PROM1: variants seen among roughly 807,000 people sequenced by gnomAD.
The protein encoded by PROM1 is prominin-1.
Under a neutral mutation model 116.9 loss-of-function variants are expected in PROM1, and 105 were observed. The ratio of observed to expected loss-of-function variants is 0.90; its 90% confidence interval spans 0.77 to 1.06. PROM1 has a LOEUF of 1.06. Among genes scored for constraint, PROM1 ranks in the 50% least tolerant of loss-of-function variants. PROM1 has a pLI of 0.00. For missense variants in PROM1, 1,122 were observed against 1,045.2 expected (o/e 1.07, Z -1.01); for synonymous variants, 393 against 387.0 (o/e 1.02, Z -0.18).
chr4:16,068,604 C>T (rs758677929), intron 2 of PROM1, among the ~76,000 whole-genome samples: 8 of 152,200 alleles, frequency 5.3e-5, no homozygotes, highest in Non-Finnish European at 1.2e-4. Flanking sequence ...CTAGGCTCTG[C>T]TGGACTCACT....
intron 8 of PROM1, among the ~76,000 whole-genome samples, chr4:16,020,995 G>C (rs558663724): frequency 1.3e-5 from 2 of 150,732 alleles, no homozygotes; most frequent in South Asian, 4.2e-4. Flanking sequence ...TCCTTTATAG[G>C]TCCTGATCTG....
intron 5 of PROM1, among the ~76,000 whole-genome samples, chr4:16,027,095 G>A (rs910227630): frequency 3.3e-5 from 5 of 151,988 alleles, no homozygotes; most frequent in Non-Finnish European, 7.4e-5. Flanking sequence ...TTTAAGTTTG[G>A]GTTAATTCTG....
At chr4:15,990,394 G>T (rs1396047703) in intron 18 of PROM1, among the ~76,000 whole-genome samples, 2 of 152,196 alleles carry the variant, frequency 1.3e-5, no homozygotes, top group Non-Finnish European at 2.9e-5. Context: ...ACCAGCAGAG[G>T]AGTTGAAAGG....
At chr4:15,995,360 G>A (rs1722067695) in intron 15 of PROM1, among the ~76,000 whole-genome samples, 1 of 151,574 alleles carries the variant, frequency 6.6e-6, no homozygotes, top group African/African-American at 2.4e-5. Context: ...GAAGGAGGAG[G>A]AGGAGGAAAA....
chr4:15,972,305 G>T (rs1714768844), intron 26 of PROM1, among the ~76,000 whole-genome samples: 1 of 152,078 alleles, frequency 6.6e-6, no homozygotes, highest in Non-Finnish European at 1.5e-5. Flanking sequence ...AACTTACAAA[G>T]AAAAAAATAT....
In PROM1 at chr4:15,980,505, A is replaced by G. The variant is rs1304079782; in HGVS notation, c.2406T>C (p.Thr802=). 6.4e-7 allele frequency: 1 copy of G among 1,553,520 alleles called. No homozygotes were observed. Reference sequence around the variant, plus strand: ...AAATTAGAGCCGGAAGTAAAAATACAGTAGCTTTTCCTATGCCAAACCAAA... The same window carrying G: ...AAATTAGAGCCGGAAGTAAAAATACGGTAGCTTTTCCTATGCCAAACCAAA... ...NLFWFGIGKA[T]VFLLPALIFA... is the part of the protein sequence containing the mutation. The change falls in exon 24 of 28, where the codon ACT becomes ACC. Residue 802 remains threonine, a synonymous_variant. Coordinates refer to ENST00000447510, the MANE Select transcript of PROM1 (RefSeq NM_006017.3).
At chr4:15,990,618 A>G (rs1445115985) in intron 18 of PROM1, among the ~76,000 whole-genome samples, 1 of 152,196 alleles carries the variant, frequency 6.6e-6, no homozygotes. Context: ...GGGTGCCCGC[A>G]CTCAGAGCAG....
At chr4:16,051,375 G>A (rs376797831) in intron 2 of PROM1, among the ~76,000 whole-genome samples, 131 of 152,266 alleles carry the variant, frequency 8.6e-4, no homozygotes, top group African/African-American at 2.9e-3. Context: ...CTGTGCCTTC[G>A]TTTCCTCTTC....
intron 26 of PROM1, among the ~76,000 whole-genome samples, chr4:15,977,373 T>G (rs2149015582): frequency 6.6e-6 from 1 of 152,266 alleles, no homozygotes; most frequent in Admixed American, 6.5e-5. Flanking sequence ...TCCTCTGATC[T>G]TGAAAATTTC....
intron 15 of PROM1, among the ~76,000 whole-genome samples, chr4:15,997,533 C>T (rs1722647526): frequency 6.6e-6 from 1 of 152,008 alleles, no homozygotes; most frequent in African/African-American, 2.4e-5. Flanking sequence ...GATCTTGGCT[C>T]ACTGCAACCT....
chr4:15,981,463 T>C (rs1717926243), intron 23 of PROM1, among the ~76,000 whole-genome samples: 1 of 151,430 alleles, frequency 6.6e-6, no homozygotes, highest in South Asian at 2.1e-4. Context: ...TCCCAGCTAC[T>C]CGGGAGGCTG....
chr4:16,034,795 T>C (rs1182193682), intron 4 of PROM1, among the ~76,000 whole-genome samples: 1 of 152,230 alleles, frequency 6.6e-6, no homozygotes, highest in East Asian at 1.9e-4. Flanking sequence ...GCAAATGTGA[T>C]GTCTTGGAGG....
intron 20 of PROM1, among the ~76,000 whole-genome samples, chr4:15,986,599 G>A (rs1719476719): frequency 6.6e-6 from 1 of 152,106 alleles, no homozygotes; most frequent in Non-Finnish European, 1.5e-5. Context: ...CCCCTTGGCT[G>A]GGCCCCTCAT....
chr4:15,987,714 G>A lies in PROM1; in HGVS notation c.2079C>T (p.Ser693=). The change falls in exon 20 of 28, where the codon AGC becomes AGT. Residue 693 remains serine (S), a splice_region_variant and synonymous_variant. Coordinates refer to ENST00000447510, the MANE Select transcript of PROM1 (RefSeq NM_006017.3). ...GTATCTTGACGCTTTGGTATAGAGTGCTCTGGCAAGAAACAGATAATATTT... is the reference window on the plus strand; with the variant it reads ...GTATCTTGACGCTTTGGTATAGAGTACTCTGGCAAGAAACAGATAATATTT... ...QRVLPIEQSL[S]TLYQSVKILQ... The A allele has an allele frequency of 6.2e-7, 1 of 1,609,498 alleles. No homozygotes were observed. The highest frequency in any genetic ancestry group is 8.5e-7 in the Non-Finnish European group (1 of 1,178,312).
rs186460169 is a variant in PROM1 at position 16,000,850 on chromosome 4, G to T, written c.1455-231C>A. Among the ~76,000 whole-genome samples the T allele has an allele frequency of 4.4e-3, 659 of 150,932 alleles. 8 individuals are homozygous for T. The highest frequency in any genetic ancestry group is 0.015 in the African/African-American group (611 of 41,084). ...GGGCCTGGGGACCTGGGGAGGGGCA[G>T]CTCCAGAGCAGGCGGGGGATCACTG... is the stretch of plus-strand genomic sequence containing the variant. On this transcript the variant is annotated intron_variant, in intron 13 of 27. Coordinates refer to ENST00000447510, the MANE Select transcript of PROM1 (RefSeq NM_006017.3).
chr4:16,081,607 G>C (rs1258677527), intron 1 of PROM1, among the ~76,000 whole-genome samples: 1 of 152,150 alleles, frequency 6.6e-6, no homozygotes, highest in Non-Finnish European at 1.5e-5. Context: ...AATCCAAGAA[G>C]TCCTTTATCT....
chr4:16,011,161 G>A (rs958660076), intron 11 of PROM1, among the ~76,000 whole-genome samples: 2 of 152,042 alleles, frequency 1.3e-5, no homozygotes, highest in Admixed American at 6.6e-5. Flanking sequence ...TGTGGCTGGT[G>A]TCCTCTCTTG....
At chr4:16,034,157 G>T (rs372915868) in intron 4 of PROM1, among the ~76,000 whole-genome samples, 1 of 152,078 alleles carries the variant, frequency 6.6e-6, no homozygotes, top group African/African-American at 2.4e-5. Flanking sequence ...CATATAAGGC[G>T]CTTTGCACAC....
chr4:16,050,979 T>C (rs1210394082), intron 2 of PROM1, among the ~76,000 whole-genome samples: 1 of 152,178 alleles, frequency 6.6e-6, no homozygotes, highest in Non-Finnish European at 1.5e-5. Flanking sequence ...GGAAGACAGA[T>C]AGTAAACAAA....
Sources: allele counts gnomAD v4.1 joint callset (sites outside exome capture counted in the v4.1 genomes callset), GRCh38; gene constraint gnomAD v4.1.1; transcripts MANE v1.5; gene names NCBI Gene and HGNC (gene_info 2026-07-23, HGNC 2026-07-21).